WDR33: variants seen among roughly 807,000 people sequenced by gnomAD.
WDR33 encodes pre-mRNA 3' end processing protein WDR33.
In WDR33, 47 loss-of-function variants were observed where a neutral mutation model predicts 164.9. The observed-to-expected ratio is 0.29, with a 90% CI of 0.23 to 0.36. The LOEUF (loss-of-function observed/expected upper bound fraction) is 0.36. Among genes scored for constraint, WDR33 ranks in the 10% least tolerant of loss-of-function variants. WDR33 has a pLI of 1.00. For missense variants in WDR33, 1,137 were observed against 1,754.1 expected (o/e 0.65, Z 6.28); for synonymous variants, 505 against 589.0 (o/e 0.86, Z 2.06).
chr2:127,788,434 C>G lies in WDR33; in HGVS notation c.-23-17430G>C, dbSNP rs1368468445. Among the ~76,000 whole-genome samples, 6 of 128,698 alleles carry G rather than the reference C, an allele frequency of 4.7e-5. No homozygotes were observed. The South Asian group carries it at 1.0e-3, about 22-fold the overall frequency. 84.4% of individuals were successfully genotyped at this position (128,698 alleles called of 152,430 possible). On this transcript the variant is annotated intron_variant, in intron 1 of 21. Coordinates refer to ENST00000322313, the MANE Select transcript of WDR33 (RefSeq NM_018383.5). ...GGCCGGGCGGAGGGCTGACCCCCCC[C>G]ACCTCCCTCCCGGACGGGGCGGCTG...
At chr2:127,746,006 CAG>C (rs1687157349) in intron 7 of WDR33, among the ~76,000 whole-genome samples, 1 of 130,290 alleles carries the variant, frequency 7.7e-6, no homozygotes, top group Admixed American at 8.7e-5. Context: ...GCCTGGGAGA[CAG>C]AGCGAGACTC....
At position 127,713,499 on chromosome 2, in the gene WDR33, A is replaced by C; in HGVS notation, c.3308+84T>G. 6.9e-7 allele frequency: 1 copy of C among 1,456,786 alleles called. No homozygotes were observed. Among genetic ancestry groups the C allele is most frequent in the Admixed American group, 2.1e-5 (1 of 48,586 alleles). The allele number at this position is 1,456,786 out of a possible 1,614,324, so 90.2% of individuals were successfully genotyped here. ...ATTGATATAATTCTCTTTCCTCAAG[A>C]AAAAGAAGAAAGAGACCTTTGTGGA... is the stretch of plus-strand genomic sequence containing the variant. On this transcript the variant is annotated intron_variant, in intron 18 of 21. Coordinates refer to ENST00000322313, the MANE Select transcript of WDR33 (RefSeq NM_018383.5). The surrounding 1 kb of genome is among the most constrained non-coding windows in gnomAD (Gnocchi z 6.2).
At position 127,736,309 on chromosome 2, in the gene WDR33, T is replaced by C. The variant is rs566154114; in HGVS notation, c.725-9532A>G. Reference sequence around the variant, plus strand: ...AGGAAGAGGAGACTGGGGAAGGGCATGTAAAGGGGCCTTTAACCTTTAATT... The same window carrying C: ...AGGAAGAGGAGACTGGGGAAGGGCACGTAAAGGGGCCTTTAACCTTTAATT... On this transcript the variant is annotated intron_variant, in intron 7 of 21. Coordinates refer to ENST00000322313, the MANE Select transcript of WDR33 (RefSeq NM_018383.5). 104 of 985,382 alleles carry C rather than the reference T, an allele frequency of 1.1e-4. 1 individual carries two copies. The South Asian group carries it at 4.1e-3, about 39-fold the overall frequency. 61.0% of individuals were successfully genotyped at this position (985,382 alleles called of 1,614,324 possible).
chr2:127,779,975 A>ATTTTTT (rs1201664053), intron 1 of WDR33, among the ~76,000 whole-genome samples: 3,365 of 142,642 alleles, frequency 0.024, 146 homozygotes, highest in African/African-American at 0.081. Flanking sequence ...GGTTTTTTTG[A>ATTTTTT]TTTTTTTTTT....
chr2:127,780,942 C>T (rs1688348744), intron 1 of WDR33, among the ~76,000 whole-genome samples: 1 of 152,156 alleles, frequency 6.6e-6, no homozygotes, highest in Non-Finnish European at 1.5e-5. Context: ...CTCACTACAA[C>T]CTTCATCTCA....
At chr2:127,765,312 C>G (rs373670989) in intron 4 of WDR33, 43 bp from the exon 5 acceptor site, 181 of 1,443,318 alleles carry the variant, frequency 1.3e-4, no homozygotes, top group African/African-American at 4.1e-4. Flanking sequence ...TCCAACTTCA[C>G]TAATTTTGAA....
Position 127,708,580 on chromosome 2 carries a change from G to T in WDR33, c.3781+97C>A. 1 of 1,367,052 alleles carries T rather than the reference G, an allele frequency of 7.3e-7. No individual in the cohort carries two copies. Among genetic ancestry groups the T allele is most frequent in the Non-Finnish European group, 9.9e-7 (1 of 1,005,560 alleles). 84.7% of individuals were successfully genotyped at this position (1,367,052 alleles called of 1,614,324 possible). A position where few individuals can be genotyped will look rare whatever the true frequency, so the allele number is the denominator to read the frequency against. On this transcript the variant is annotated intron_variant, in intron 21 of 21. Transcript: ENST00000322313. This position sits in a 1 kb window ranked among gnomAD's most constrained non-coding sequence, Gnocchi z 6.7. ...ACCACATTTAGGAGCATGTGCCTCT[G>T]CACAGCCCAGGCTGCAAGGGCATGT...
At chr2:127,786,112 C>T (rs1688556484) in intron 1 of WDR33, among the ~76,000 whole-genome samples, 1 of 152,196 alleles carries the variant, frequency 6.6e-6, no homozygotes, top group Non-Finnish European at 1.5e-5. Context: ...CAGCTCACTG[C>T]AGCTTAAACC....
intron 1 of WDR33, among the ~76,000 whole-genome samples, chr2:127,796,950 T>A (rs2104669417): frequency 6.6e-6 from 1 of 152,136 alleles, no homozygotes; most frequent in East Asian, 1.9e-4. Flanking sequence ...TAGCCCCAGA[T>A]TCTGCAATTG....
In WDR33 at chr2:127,738,031, A is replaced by G; in HGVS notation, c.725-11254T>C. ...CACCTCTTGACAGAAAGGAAGTAACAACGGCAGTGATGAAAACATGTATCT... is the reference window on the plus strand; with the variant it reads ...CACCTCTTGACAGAAAGGAAGTAACGACGGCAGTGATGAAAACATGTATCT... On this transcript the variant is annotated intron_variant, in intron 7 of 21. Coordinates refer to ENST00000322313, the MANE Select transcript of WDR33 (RefSeq NM_018383.5). This position sits in a 1 kb window ranked among gnomAD's most constrained non-coding sequence, Gnocchi z 4.4. The G allele has an allele frequency of 6.2e-7, 1 of 1,613,142 alleles. No individual in the cohort carries two copies. Among genetic ancestry groups the G allele is most frequent in the Non-Finnish European group, 8.5e-7 (1 of 1,179,570 alleles).
intron 7 of WDR33, among the ~76,000 whole-genome samples, chr2:127,761,596 C>T (rs958401396): frequency 5.9e-5 from 9 of 152,180 alleles, no homozygotes; most frequent in African/African-American, 2.2e-4. Context: ...TTCTGTTTAA[C>T]AGCCAAGACT....
At position 127,722,254 on chromosome 2, in the gene WDR33, T is replaced by C. The variant is rs1464954926; in HGVS notation, c.1519-266A>G. On this transcript the variant is annotated intron_variant, in intron 14 of 21. Coordinates refer to ENST00000322313, the MANE Select transcript of WDR33 (RefSeq NM_018383.5). The surrounding 1 kb of genome is among the most constrained non-coding windows in gnomAD (Gnocchi z 5.1). ...CTTGCCAGCCTCTTCACAGGGTACA[T>C]GCACTTTGTGTTGAGGGGACAATTA... 1.3e-5 allele frequency among the ~76,000 whole-genome samples: 2 copies of C among 152,202 alleles called. No individual in the cohort carries two copies. Among genetic ancestry groups the C allele is most frequent in the Admixed American group, 6.5e-5 (1 of 15,274 alleles).
chr2:127,750,669 AAAAAAAAAATATATATATATATATAT>A (rs1558936690), intron 7 of WDR33, among the ~76,000 whole-genome samples: 2 of 69,790 alleles, frequency 2.9e-5, no homozygotes, highest in African/African-American at 1.7e-4. Flanking sequence ...AAAAAAAAAA[AAAAAAAAAATATATATATATATATAT>A]ATATATATAT....
chr2:127,716,345 A>G lies in WDR33; in HGVS notation c.2869+810T>C, dbSNP rs1177165209. 6.6e-6 allele frequency among the ~76,000 whole-genome samples: 1 copy of G among 152,220 alleles called. No individual in the cohort carries two copies. ...CTTAGCCAATTAAAACTAAGAGAGTAAAGTTCTGTGAAGGGCAATCTCTGC... is the reference window on the plus strand; with the variant it reads ...CTTAGCCAATTAAAACTAAGAGAGTGAAGTTCTGTGAAGGGCAATCTCTGC... On this transcript the variant is annotated intron_variant, in intron 17 of 21. Coordinates refer to ENST00000322313, the MANE Select transcript of WDR33 (RefSeq NM_018383.5). The surrounding 1 kb of genome is among the most constrained non-coding windows in gnomAD (Gnocchi z 4.5).
At position 127,713,461 on chromosome 2, in the gene WDR33, T is replaced by G; in HGVS notation, c.3308+122A>C. 2 of 1,143,802 alleles carry G rather than the reference T, an allele frequency of 1.7e-6. No homozygotes were observed. The highest frequency in any genetic ancestry group is 1.5e-5 in the South Asian group (1 of 67,798). 70.9% of individuals were successfully genotyped at this position (1,143,802 alleles called of 1,614,324 possible). A position where few individuals can be genotyped will look rare whatever the true frequency, so the allele number is the denominator to read the frequency against. On this transcript the variant is annotated intron_variant, in intron 18 of 21. Transcript: ENST00000322313. This position sits in a 1 kb window ranked among gnomAD's most constrained non-coding sequence, Gnocchi z 6.2. ...ACGTCCAAATGCAAACTCTACAGAG[T>G]GCAGGGCTGGTAATTGATATAATTC... is the stretch of plus-strand genomic sequence containing the variant.
At position 127,704,612 on chromosome 2, in the gene WDR33, A is replaced by T. The variant is rs975155500; in HGVS notation, c.*1711T>A. On this transcript the variant is annotated 3_prime_UTR_variant, in exon 22 of 22. Coordinates refer to ENST00000322313, the MANE Select transcript of WDR33 (RefSeq NM_018383.5). ...CGCTGATTAAATAAGCTGTAATTTC[A>T]AAGTTAAAAAAAAAATAGTCTCTAG... The T allele has an allele frequency of 6.0e-6, 1 of 167,078 alleles. No individual in the cohort carries two copies. The highest frequency in any genetic ancestry group is 2.4e-5 in the African/African-American group (1 of 41,462). 10.3% of individuals were successfully genotyped at this position (167,078 alleles called of 1,614,324 possible). A position where few individuals can be genotyped will look rare whatever the true frequency, so the allele number is the denominator to read the frequency against.
In WDR33 at chr2:127,722,443, T is replaced by C. The variant is rs1217276555; in HGVS notation, c.1518+148A>G. 9.1e-7 allele frequency: 1 copy of C among 1,095,824 alleles called. No individual in the cohort carries two copies. The highest frequency in any genetic ancestry group is 1.6e-5 in the African/African-American group (1 of 63,148). 67.9% of individuals were successfully genotyped at this position (1,095,824 alleles called of 1,614,324 possible). On this transcript the variant is annotated intron_variant, in intron 14 of 21. Coordinates refer to ENST00000322313, the MANE Select transcript of WDR33 (RefSeq NM_018383.5). The surrounding 1 kb of genome is among the most constrained non-coding windows in gnomAD (Gnocchi z 5.1). ...CAAACTCAATACAACTGCAAAGCAG[T>C]AGATGAGAACCATGTCTAAGAGTAC... is the stretch of plus-strand genomic sequence containing the variant.
intron 7 of WDR33, among the ~76,000 whole-genome samples, chr2:127,761,490 G>A (rs547757156): frequency 5.3e-5 from 8 of 152,278 alleles, no homozygotes; most frequent in Non-Finnish European, 1.0e-4. Context: ...GTGAGCCACC[G>A]CGCCCAGCTA....
At chr2:127,810,359 G>A (rs951450665) in intron 1 of WDR33, among the ~76,000 whole-genome samples, 1 of 152,002 alleles carries the variant, frequency 6.6e-6, no homozygotes, top group African/African-American at 2.4e-5. Flanking sequence ...CTCCGGAAGG[G>A]GCCACTAATC....
Sources: allele counts gnomAD v4.1 joint callset (sites outside exome capture counted in the v4.1 genomes callset), GRCh38; gene constraint gnomAD v4.1.1; non-coding constraint Gnocchi (gnomAD v3.1); transcripts MANE v1.5; gene names NCBI Gene and HGNC (gene_info 2026-07-23, HGNC 2026-07-21).